MTA3: variants seen among roughly 807,000 people sequenced by gnomAD.
MTA3 encodes the protein metastasis associated 1 family member 3, also known as metastasis-associated protein MTA3.
Under a neutral mutation model 83.5 loss-of-function variants are expected in MTA3, and 34 were observed. The ratio of observed to expected loss-of-function variants is 0.41; its 90% CI spans 0.31 to 0.54. MTA3 has a LOEUF of 0.54. Ranked by LOEUF, MTA3 falls within the 20% of genes least tolerant of loss-of-function variation. MTA3 has a pLI of 0.33. For missense variants in MTA3, 761 were observed against 726.4 expected, an observed-to-expected ratio of 1.05 and a Z score of -0.55; for synonymous variants, 303 against 252.7, an observed-to-expected ratio of 1.20 and a Z score of -1.89.
intron 4 of MTA3, among the ~76,000 whole-genome samples, chr2:42,615,164 G>T (rs1684704697): frequency 6.6e-6 from 1 of 151,630 alleles, no homozygotes; most frequent in Non-Finnish European, 1.5e-5. Flanking sequence ...GGTGGCACGT[G>T]CCTGTAATCC....
intron 4 of MTA3, among the ~76,000 whole-genome samples, chr2:42,636,698 C>G (rs1452181012): frequency 6.8e-6 from 1 of 146,856 alleles, no homozygotes; most frequent in Non-Finnish European, 1.5e-5. Context: ...GCGATCTCGG[C>G]TCACTGCAAC....
intron 15 of MTA3, among the ~76,000 whole-genome samples, chr2:42,720,403 A>G (rs1667321099): frequency 6.6e-6 from 1 of 151,908 alleles, no homozygotes; most frequent in Non-Finnish European, 1.5e-5. Context: ...GGAGGGTCTC[A>G]ATCTCCTGAC....
At chr2:42,530,688 G>C (rs1675922448) in intron 2 of MTA3, among the ~76,000 whole-genome samples, 1 of 151,808 alleles carries the variant, frequency 6.6e-6, no homozygotes, top group East Asian at 2.0e-4. Context: ...GGGAGGCTGA[G>C]GCAGGAGAAT....
Position 42,643,038 on chromosome 2 carries a change from C to T in MTA3, c.382-1089C>T, listed in dbSNP as rs1203911820. Among the ~76,000 whole-genome samples, 12 of 133,992 alleles carry T rather than the reference C, an allele frequency of 9.0e-5. No individual in the cohort carries two copies. In the East Asian group the frequency reaches 2.0e-3, roughly 22 times the overall value. The allele number at this position is 133,992 out of a possible 152,430, so 87.9% of individuals were successfully genotyped here. A position where few individuals can be genotyped will look rare whatever the true frequency, so the allele number is the denominator to read the frequency against. ...AAACTGTCACATATTGGTGTCTCCCCCCCCCCCCTTTTTTTTTTAACAGTT... is the reference window on the plus strand; with the variant it reads ...AAACTGTCACATATTGGTGTCTCCCTCCCCCCCCTTTTTTTTTTAACAGTT... On this transcript the variant is annotated intron_variant, in intron 5 of 16. Coordinates refer to ENST00000405094, the MANE Select transcript of MTA3 (RefSeq NM_001330442.2).
At chr2:42,604,983 C>T (rs1683069028) in intron 3 of MTA3, among the ~76,000 whole-genome samples, 3 of 150,434 alleles carry the variant, frequency 2.0e-5, no homozygotes, top group Admixed American at 2.0e-4. Context: ...ATGTCTACTT[C>T]TTTCCACACA....
rs532689084 is a variant in MTA3 at position 42,750,180 on chromosome 2, G to A, written c.1760-3194G>A. On this transcript the variant is annotated intron_variant, in intron 16 of 16. Transcript: ENST00000405094. Reference sequence around the variant, plus strand: ...TAATTTTTGTATTTTTAGTAGAGACGGGGTTTCACTCTGTTGGCCAGGCTG... The same window carrying A: ...TAATTTTTGTATTTTTAGTAGAGACAGGGTTTCACTCTGTTGGCCAGGCTG... Among the ~76,000 whole-genome samples, 101 of 151,646 alleles carry A rather than the reference G, an allele frequency of 6.7e-4. 2 individuals are homozygous for A. Among genetic ancestry groups the A allele is most frequent in the African/African-American group, 2.2e-3 (89 of 41,354 alleles).
At chr2:42,641,689 T>C (rs1458243796) in intron 5 of MTA3, among the ~76,000 whole-genome samples, 1 of 151,838 alleles carries the variant, frequency 6.6e-6, no homozygotes, top group Non-Finnish European at 1.5e-5. Flanking sequence ...CTGCTAAAAA[T>C]ACAAAAATTA....
chr2:42,578,307 C>CAGG (rs1679266499), intron 2 of MTA3, among the ~76,000 whole-genome samples: 1 of 152,130 alleles, frequency 6.6e-6, no homozygotes, highest in Admixed American at 6.6e-5. Context: ...AATAGGAGAG[C>CAGG]AGGAGCCTGG....
At chr2:42,617,431 A>G (rs1335264120) in intron 4 of MTA3, among the ~76,000 whole-genome samples, 1 of 152,224 alleles carries the variant, frequency 6.6e-6, no homozygotes, top group Non-Finnish European at 1.5e-5. Context: ...TTGATATAAA[A>G]AAAGCAAGCA....
chr2:42,722,243 G>A (rs1343652069), intron 15 of MTA3, among the ~76,000 whole-genome samples: 1 of 152,142 alleles, frequency 6.6e-6, no homozygotes, highest in African/African-American at 2.4e-5. Flanking sequence ...GGGCTGTATG[G>A]CTAACAACAA....
At chr2:42,699,288 A>G (rs923515916) in intron 11 of MTA3, among the ~76,000 whole-genome samples, 1 of 151,968 alleles carries the variant, frequency 6.6e-6, no homozygotes, top group South Asian at 2.1e-4. Context: ...TGCAGCCTCA[A>G]CCTCCTGGGC....
chr2:42,736,659 T>C (rs969092074), intron 16 of MTA3, among the ~76,000 whole-genome samples: 7 of 152,088 alleles, frequency 4.6e-5, no homozygotes, highest in African/African-American at 1.7e-4. Context: ...CAAAGTCTTC[T>C]TACTCTTCTC....
intron 2 of MTA3, among the ~76,000 whole-genome samples, chr2:42,538,664 T>C (rs561155571): frequency 3.6e-5 from 5 of 139,952 alleles, no homozygotes; most frequent in African/African-American, 1.3e-4. Flanking sequence ...GCCCAGATCG[T>C]GCCACTGCAT....
chr2:42,496,046 A>G (rs1572877525), intron 2 of MTA3, among the ~76,000 whole-genome samples: 2 of 152,340 alleles, frequency 1.3e-5, no homozygotes, highest in Admixed American at 1.3e-4. Flanking sequence ...CAAGCAATAG[A>G]AGACAGAACT....
chr2:42,526,354 C>T (rs929518456), intron 2 of MTA3, among the ~76,000 whole-genome samples: 14 of 152,192 alleles, frequency 9.2e-5, no homozygotes, highest in African/African-American at 3.4e-4. Context: ...CGCATGCCAC[C>T]GAGGCCGATT....
chr2:42,731,395 A>G (rs909256080), intron 16 of MTA3, among the ~76,000 whole-genome samples: 1 of 152,214 alleles, frequency 6.6e-6, no homozygotes, highest in Admixed American at 6.5e-5. Flanking sequence ...AAGAGGTTTA[A>G]TTGGACTTAC....
At chr2:42,575,455 C>T in intron 2 of MTA3, among the ~76,000 whole-genome samples, 1 of 152,096 alleles carries the variant, frequency 6.6e-6, no homozygotes, top group East Asian at 1.9e-4. Context: ...CTTATGTGTA[C>T]ATAGCTTTAC....
chr2:42,711,131 A>G (rs1158135837), intron 14 of MTA3, among the ~76,000 whole-genome samples: 2 of 152,320 alleles, frequency 1.3e-5, no homozygotes, highest in East Asian at 1.9e-4. Flanking sequence ...ATGAAAATGA[A>G]TGAGACTTTT....
chr2:42,604,591 A>AT (rs1344421317), intron 3 of MTA3, among the ~76,000 whole-genome samples: 1 of 96,524 alleles, frequency 1.0e-5, no homozygotes, highest in African/African-American at 4.3e-5. Context: ...TTTTTTTTTA[A>AT]TTTATTTTTT....
Sources: allele counts gnomAD v4.1 joint callset (sites outside exome capture counted in the v4.1 genomes callset), GRCh38; gene constraint gnomAD v4.1.1; transcripts MANE v1.5; gene names NCBI Gene and HGNC (gene_info 2026-07-23, HGNC 2026-07-21).